CCDC149: variants seen among roughly 807,000 people sequenced by gnomAD.
CCDC149 encodes the protein coiled-coil domain containing 149, also known as coiled-coil domain-containing protein 149.
Under a neutral mutation model 59.9 loss-of-function variants are expected in CCDC149, and 45 were observed. That is an observed-to-expected ratio of 0.75 (90% CI 0.59 to 0.96). The LOEUF (loss-of-function observed/expected upper bound fraction) is 0.96, where lower values mean the gene tolerates loss of function less well. Ranked by LOEUF, CCDC149 falls within the 40% of genes least tolerant of loss-of-function variation. The probability of loss-of-function intolerance (pLI) is 0.00; values close to 1 mark genes in which losing one functional copy is unlikely to be tolerated. For synonymous variants in CCDC149, 245 were observed against 260.6 expected (o/e 0.94, Z 0.58); for missense variants, 584 against 664.7 (o/e 0.88, Z 1.33).
chr4:24,849,998 C>G (rs1307006342), intron 4 of CCDC149, among the ~76,000 whole-genome samples: 1 of 152,236 alleles, frequency 6.6e-6, no homozygotes, highest in Non-Finnish European at 1.5e-5. Context: ...ATACATGTAT[C>G]TGGGGTTAGT....
intron 1 of CCDC149, among the ~76,000 whole-genome samples, chr4:24,955,608 A>C (rs566489456): frequency 1.3e-5 from 2 of 152,236 alleles, no homozygotes; most frequent in Non-Finnish European, 2.9e-5. Context: ...AAAATAAGCC[A>C]GTCACAAAAA....
chr4:24,927,514 A>T (rs1317570153), intron 1 of CCDC149, among the ~76,000 whole-genome samples: 2 of 152,198 alleles, frequency 1.3e-5, no homozygotes, highest in Non-Finnish European at 2.9e-5. Flanking sequence ...CAAGAACACG[A>T]CTCAAACTTC....
At chr4:24,815,258 G>T (rs2109095536) in intron 12 of CCDC149, among the ~76,000 whole-genome samples, 2 of 152,160 alleles carry the variant, frequency 1.3e-5, no homozygotes, top group South Asian at 2.1e-4. Flanking sequence ...TCTTAAAATG[G>T]TACTTTTGAA....
intron 9 of CCDC149, among the ~76,000 whole-genome samples, chr4:24,825,476 C>G (rs960548121): frequency 6.6e-6 from 1 of 152,142 alleles, no homozygotes; most frequent in Non-Finnish European, 1.5e-5. Flanking sequence ...GGCAAAAACA[C>G]AGGCTTGAAA....
At chr4:24,892,194 C>A (rs562288319) in intron 1 of CCDC149, among the ~76,000 whole-genome samples, 6 of 152,260 alleles carry the variant, frequency 3.9e-5, no homozygotes, top group African/African-American at 1.2e-4. Flanking sequence ...TCAGAGTCCC[C>A]TCTGGATTCC....
chr4:24,879,206 A>G (rs545265663), intron 1 of CCDC149, among the ~76,000 whole-genome samples: 2 of 152,260 alleles, frequency 1.3e-5, no homozygotes, highest in South Asian at 4.1e-4. Context: ...TTTGGCATCT[A>G]TAAGGAACCC....
At chr4:24,954,030 A>C (rs546798860) in intron 1 of CCDC149, among the ~76,000 whole-genome samples, 1 of 152,306 alleles carries the variant, frequency 6.6e-6, no homozygotes, top group South Asian at 2.1e-4. Flanking sequence ...AAAAGTGAAC[A>C]AAGCCTAAAG....
At chr4:24,866,722 C>T (rs1718714272) in intron 3 of CCDC149, among the ~76,000 whole-genome samples, 1 of 148,030 alleles carries the variant, frequency 6.8e-6, no homozygotes. Context: ...AAAGCCTCAA[C>T]AACTACATTT....
At chr4:24,973,614 A>C (rs951559431) in intron 1 of CCDC149, among the ~76,000 whole-genome samples, 5 of 152,234 alleles carry the variant, frequency 3.3e-5, no homozygotes, top group African/African-American at 1.2e-4. Flanking sequence ...GGATAAAAAG[A>C]ACTGAAAAAG....
intron 1 of CCDC149, among the ~76,000 whole-genome samples, chr4:24,967,972 T>G (rs1723846479): frequency 1.3e-5 from 2 of 152,116 alleles, no homozygotes; most frequent in African/African-American, 4.8e-5. Context: ...GCCTCCTGGG[T>G]TACTGACAGT....
At chr4:24,834,516 T>C (rs1369501703) in intron 8 of CCDC149, among the ~76,000 whole-genome samples, 1 of 152,084 alleles carries the variant, frequency 6.6e-6, no homozygotes, top group Non-Finnish European at 1.5e-5. Context: ...AAGAAGAAAT[T>C]CAAGGAGGTC....
intron 12 of CCDC149, among the ~76,000 whole-genome samples, chr4:24,811,924 T>G (rs561102340): frequency 8.4e-4 from 127 of 152,076 alleles, no homozygotes; most frequent in Non-Finnish European, 1.4e-3. Flanking sequence ...TGTGCTCCCT[T>G]GGAGGCTCTG....
rs562010381 is a variant in CCDC149 at position 24,807,927 on chromosome 4, G to C, written c.*462C>G. ...GTGCAGCCATGGGTCCTCTGGACAC[G>C]TTTTGCTCAATTATACCTTCCTCTC... On this transcript the variant is annotated 3_prime_UTR_variant, in exon 13 of 13. Coordinates refer to ENST00000635206, the MANE Select transcript of CCDC149 (RefSeq NM_001330643.2). The C allele has an allele frequency of 6.5e-6, 1 of 152,776 alleles. No homozygotes were observed. The highest frequency in any genetic ancestry group is 1.9e-4 in the East Asian group (1 of 5,184). The allele number at this position is 152,776 out of a possible 1,614,324, so 9.5% of individuals were successfully genotyped here. A position where few individuals can be genotyped will look rare whatever the true frequency, so the allele number is the denominator to read the frequency against.
intron 1 of CCDC149, among the ~76,000 whole-genome samples, chr4:24,945,558 C>G (rs1019614278): frequency 6.6e-6 from 1 of 151,956 alleles, no homozygotes; most frequent in East Asian, 1.9e-4. Flanking sequence ...GACTCCAGAA[C>G]TGTGAGAACG....
chr4:24,909,807 T>A (rs1227702184), intron 1 of CCDC149, among the ~76,000 whole-genome samples: 1 of 152,128 alleles, frequency 6.6e-6, no homozygotes, highest in African/African-American at 2.4e-5. Flanking sequence ...TGTAAGATGT[T>A]ACTTGCTCCT....
intron 4 of CCDC149, among the ~76,000 whole-genome samples, chr4:24,839,059 CACAG>C (rs745858658): frequency 0.13 from 15,075 of 118,108 alleles, 766 homozygotes; most frequent in Middle Eastern, 0.19. Context: ...CACACACACA[CACAG>C]AGAGAGAGAG....
At chr4:24,851,566 A>G (rs1181978322) in intron 4 of CCDC149, among the ~76,000 whole-genome samples, 1 of 152,222 alleles carries the variant, frequency 6.6e-6, no homozygotes, top group East Asian at 1.9e-4. Flanking sequence ...GGAGCAGCTC[A>G]GGAAAAAAAA....
chr4:24,935,109 A>T (rs1328954319), intron 1 of CCDC149, among the ~76,000 whole-genome samples: 1 of 152,192 alleles, frequency 6.6e-6, no homozygotes, highest in Non-Finnish European at 1.5e-5. Context: ...CTGATGAGAG[A>T]TGATGGTGGC....
intron 1 of CCDC149, among the ~76,000 whole-genome samples, chr4:24,965,788 G>A (rs139826462): frequency 2.9e-4 from 44 of 152,314 alleles, no homozygotes; most frequent in African/African-American, 7.2e-4. Flanking sequence ...GAAAAGCTGC[G>A]CTCTAGTCAG....
Sources: gnomAD v4.1 joint callset for allele counts (sites outside exome capture counted in the v4.1 genomes callset) on GRCh38, gnomAD v4.1.1 for gene constraint, MANE v1.5 for transcripts, NCBI Gene and HGNC (gene_info 2026-07-23, HGNC 2026-07-21) for gene names.